ENTREP2: variants seen among roughly 807,000 people sequenced by gnomAD.
ENTREP2 encodes the protein protein ENTREP2.
chr15:29,400,979 T>TG, the ENTREP2 span, among the ~76,000 whole-genome samples: 1 of 152,244 alleles, frequency 6.6e-6, no homozygotes, highest in Non-Finnish European at 1.5e-5. Context: ...CACTACGTGC[T>TG]ACCTCTTGCC....
chr15:29,650,626 G>T, the ENTREP2 span, among the ~76,000 whole-genome samples: 1 of 151,658 alleles, frequency 6.6e-6, no homozygotes, highest in South Asian at 2.1e-4. Context: ...AAAAATTCTT[G>T]TTACCCTTAC....
chr15:29,139,931 T>C, the ENTREP2 span, among the ~76,000 whole-genome samples: 1 of 152,186 alleles, frequency 6.6e-6, no homozygotes, highest in Non-Finnish European at 1.5e-5. Flanking sequence ...GCTGGAGGTC[T>C]GCAGACTACG....
the ENTREP2 span, among the ~76,000 whole-genome samples, chr15:29,621,224 C>G: frequency 6.6e-6 from 1 of 151,458 alleles, no homozygotes; most frequent in Non-Finnish European, 1.5e-5. Context: ...CCCGTCTCTA[C>G]TAAAAATAAA....
chr15:29,654,846 T>A, the ENTREP2 span, among the ~76,000 whole-genome samples: 6 of 152,228 alleles, frequency 3.9e-5, no homozygotes, highest in South Asian at 1.2e-3. Flanking sequence ...TGCAGCTGGA[T>A]CAATGAGAGT....
the ENTREP2 span, chr15:29,121,597 C>G: frequency 6.6e-6 from 1 of 152,196 alleles, no homozygotes; most frequent in Non-Finnish European, 1.5e-5. Context: ...TGCAAAGGGA[C>G]TTGCCTTGAG....
chr15:29,340,216 C>A, the ENTREP2 span, among the ~76,000 whole-genome samples: 3 of 152,144 alleles, frequency 2.0e-5, no homozygotes, highest in African/African-American at 7.2e-5. Flanking sequence ...ACCCTGTATC[C>A]AATACAATAC....
the ENTREP2 span, among the ~76,000 whole-genome samples, chr15:29,391,654 C>T: frequency 6.6e-6 from 1 of 152,152 alleles, no homozygotes; most frequent in South Asian, 2.1e-4. Flanking sequence ...CTGTAAGATG[C>T]TGCCTCCTCT....
the ENTREP2 span, among the ~76,000 whole-genome samples, chr15:29,225,688 C>CG: frequency 1.4e-4 from 21 of 152,292 alleles, no homozygotes; most frequent in South Asian, 8.3e-4. Flanking sequence ...GTCGAGCATG[C>CG]GGTGAGAACA....
At chr15:29,530,531 T>C in the ENTREP2 span, among the ~76,000 whole-genome samples, 2 of 152,150 alleles carry the variant, frequency 1.3e-5, no homozygotes, top group African/African-American at 2.4e-5. Flanking sequence ...AACTCCAACG[T>C]GTCTGGAACT....
the ENTREP2 span, among the ~76,000 whole-genome samples, chr15:29,300,104 G>A: frequency 6.7e-6 from 1 of 150,030 alleles, no homozygotes; most frequent in Admixed American, 6.6e-5. Context: ...TGGATGGGTG[G>A]GTGAGTGGAT....
chr15:29,673,513 G>A, the ENTREP2 span, among the ~76,000 whole-genome samples: 6 of 152,232 alleles, frequency 3.9e-5, no homozygotes, highest in East Asian at 1.9e-4. Context: ...GCTGATCATC[G>A]ATCATCATGT....
chr15:29,299,191 A>G, the ENTREP2 span, among the ~76,000 whole-genome samples: 1 of 152,218 alleles, frequency 6.6e-6, no homozygotes, highest in East Asian at 1.9e-4. Context: ...AAAAACTCTT[A>G]GCATACTTGG....
chr15:29,619,528 C>G, the ENTREP2 span, among the ~76,000 whole-genome samples: 12 of 152,170 alleles, frequency 7.9e-5, 1 homozygote, highest in South Asian at 2.5e-3. Flanking sequence ...CTGGGACACA[C>G]ACAAACCCAG....
chr15:29,324,187 A>G, the ENTREP2 span, among the ~76,000 whole-genome samples: 1 of 152,072 alleles, frequency 6.6e-6, no homozygotes, highest in Non-Finnish European at 1.5e-5. Flanking sequence ...TGCAGCCCCA[A>G]CCTTCCTGAG....
At chr15:29,183,518 TG>T in the ENTREP2 span, among the ~76,000 whole-genome samples, 3 of 152,254 alleles carry the variant, frequency 2.0e-5, no homozygotes, top group African/African-American at 7.2e-5. Context: ...AATGAGAAAC[TG>T]GGAACAACCC....
the ENTREP2 span, among the ~76,000 whole-genome samples, chr15:29,131,974 G>A: frequency 6.6e-5 from 3 of 45,682 alleles, no homozygotes; most frequent in Admixed American, 2.4e-4. Flanking sequence ...TGCACGGCCC[G>A]TCACCCATGC....
the ENTREP2 span, among the ~76,000 whole-genome samples, chr15:29,319,895 C>A: frequency 0.13 from 19,405 of 152,140 alleles, 1,594 homozygotes; most frequent in African/African-American, 0.24. Flanking sequence ...GGGGGACACC[C>A]TACACTTTTG....
the ENTREP2 span, among the ~76,000 whole-genome samples, chr15:29,339,090 C>A: frequency 1.4e-4 from 21 of 152,226 alleles, no homozygotes; most frequent in African/African-American, 4.8e-4. Flanking sequence ...AGCTCTACTG[C>A]AAGTCCATCA....
At chr15:29,585,111 T>C in the ENTREP2 span, among the ~76,000 whole-genome samples, 1 of 152,198 alleles carries the variant, frequency 6.6e-6, no homozygotes, top group Non-Finnish European at 1.5e-5. Context: ...ATTCCTCTTA[T>C]ATACACCTAA....
Sources: gnomAD v4.1 joint callset for allele counts (sites outside exome capture counted in the v4.1 genomes callset) on GRCh38, gnomAD v4.1.1 for gene constraint, MANE v1.5 for transcripts, NCBI Gene and HGNC (gene_info 2026-07-23, HGNC 2026-07-21) for gene names.